Variants in PCSK5 observed in about 807,000 individuals in gnomAD.
PCSK5 encodes proprotein convertase subtilisin/kexin type 5, also known as prohormone convertase 5.
A neutral mutation model predicts 233.2 loss-of-function variants in PCSK5; 129 were observed. That is an observed-to-expected ratio of 0.55 (90% confidence interval 0.48 to 0.64). The LOEUF is 0.64. Among genes scored for constraint, PCSK5 ranks in the 30% least tolerant of loss-of-function variants. PCSK5 has a pLI of 0.00. For missense variants in PCSK5, 2,076 were observed against 2,430.1 expected (o/e 0.85, Z 3.06); for synonymous variants, 825 against 879.2 (o/e 0.94, Z 1.09).
At chr9:76,238,820 T>A in intron 22 of PCSK5, 139 bp from the exon 23 acceptor site, 1 of 623,514 alleles carries the variant, frequency 1.6e-6, no homozygotes, top group Non-Finnish European at 2.8e-6. Flanking sequence ...TTTCATTAAA[T>A]CCATCCTTAC....
At chr9:75,923,274 G>A (rs904395508) in intron 1 of PCSK5, among the ~76,000 whole-genome samples, 4 of 152,160 alleles carry the variant, frequency 2.6e-5, no homozygotes, top group Non-Finnish European at 4.4e-5. Flanking sequence ...TCCTTTGGAG[G>A]GTTGTTGGGA....
intron 24 of PCSK5, among the ~76,000 whole-genome samples, chr9:76,253,248 CTT>C (rs566786609): frequency 3.5e-5 from 5 of 144,126 alleles, no homozygotes; most frequent in African/African-American, 2.5e-5. Context: ...TCTTCTTCTT[CTT>C]TTTTTTTTTT....
At chr9:76,268,784 G>A (rs974635524) in intron 24 of PCSK5, among the ~76,000 whole-genome samples, 1 of 152,184 alleles carries the variant, frequency 6.6e-6, no homozygotes, top group Non-Finnish European at 1.5e-5. Context: ...GGTCAAGGCT[G>A]CAGTAACCTG....
At chr9:76,110,058 A>G (rs1422959564) in intron 9 of PCSK5, among the ~76,000 whole-genome samples, 1 of 152,028 alleles carries the variant, frequency 6.6e-6, no homozygotes, top group East Asian at 1.9e-4. Context: ...CTCTTACACT[A>G]TTGCTTCTCA....
intron 3 of PCSK5, among the ~76,000 whole-genome samples, chr9:75,996,446 A>G (rs953347427): frequency 2.0e-5 from 3 of 152,170 alleles, no homozygotes; most frequent in Non-Finnish European, 4.4e-5. Flanking sequence ...CTACCAGGAC[A>G]TGGCAGAACT....
rs575806422 is a variant in PCSK5, at chr9:76,358,704, T to A, written c.5446T>A (p.Tyr1816Asn). The change falls in exon 38 of 38, where the codon TAC becomes AAC. Residue 1816 changes from tyrosine to asparagine, a missense_variant. Physicochemically the swap from Tyr to Asn is moderately radical, Grantham distance 143. Transcript: ENST00000674117. ...YEKLADPNKSYSSYKSSYRES... is the reference protein window; with the variant it reads ...YEKLADPNKSNSSYKSSYRES... ...AAAACTGGCCGACCCCAACAAGTCT[T>A]ACTCCTCCTATAAGAGCAGCTATAG... 5 of 1,612,834 alleles carry A rather than the reference T, an allele frequency of 3.1e-6. No individual in the cohort carries two copies. The African/African-American group carries it at 6.7e-5, about 22-fold the overall frequency.
intron 20 of PCSK5, among the ~76,000 whole-genome samples, chr9:76,197,520 C>A (rs181761724): frequency 2.3e-4 from 35 of 152,268 alleles, no homozygotes; most frequent in African/African-American, 8.2e-4. Flanking sequence ...AAATACATAA[C>A]ATCTTATCCC....
intron 24 of PCSK5, among the ~76,000 whole-genome samples, chr9:76,282,013 T>C (rs948743858): frequency 4.0e-5 from 6 of 151,220 alleles, no homozygotes; most frequent in African/African-American, 1.5e-4. Flanking sequence ...CTGATGTATC[T>C]GGGCAATGTA....
chr9:76,068,963 A>G (rs1564007701), intron 6 of PCSK5, among the ~76,000 whole-genome samples: 2 of 152,202 alleles, frequency 1.3e-5, no homozygotes, highest in African/African-American at 4.8e-5. Context: ...GGATAGGAAT[A>G]TAAATATAGA....
At chr9:75,924,986 G>A (rs990478352) in intron 1 of PCSK5, among the ~76,000 whole-genome samples, 1 of 152,186 alleles carries the variant, frequency 6.6e-6, no homozygotes, top group African/African-American at 2.4e-5. Flanking sequence ...TTGTGAGGCG[G>A]CAGTGAAGTA....
chr9:76,027,105 G>A (rs1267913279), intron 5 of PCSK5, 68 bp downstream of exon 5: 11 of 958,222 alleles, frequency 1.1e-5, no homozygotes, highest in Non-Finnish European at 1.1e-5. Flanking sequence ...TCATACTGAG[G>A]GAAGTATTTT....
At chr9:76,256,952 T>G (rs1257260979) in intron 24 of PCSK5, among the ~76,000 whole-genome samples, 2 of 152,234 alleles carry the variant, frequency 1.3e-5, no homozygotes, top group Non-Finnish European at 2.9e-5. Context: ...CCCTAGAGAT[T>G]ATGATGAAAA....
At chr9:76,203,058 G>A (rs1824978333) in intron 20 of PCSK5, among the ~76,000 whole-genome samples, 1 of 152,186 alleles carries the variant, frequency 6.6e-6, no homozygotes, top group African/African-American at 2.4e-5. Flanking sequence ...CGTGAATTCT[G>A]TAAAACTTCA....
intron 30 of PCSK5, among the ~76,000 whole-genome samples, chr9:76,313,739 C>T (rs1260343556): frequency 6.6e-6 from 1 of 152,112 alleles, no homozygotes; most frequent in African/African-American, 2.4e-5. Flanking sequence ...TTTGACTTAG[C>T]ATAATGTTTT....
Position 75,890,767 on chromosome 9 carries a change from C to T in PCSK5, c.-415C>T, listed in dbSNP as rs1243876196. ...AGCCCGGGCCAGCAGAGGGGGCGCC[C>T]GGTCGCTGCCTGTACCGCTCCCGCT... On this transcript the variant is annotated 5_prime_UTR_variant, in exon 1 of 38. Transcript: ENST00000674117. 1.8e-5 allele frequency: 3 copies of T among 167,968 alleles called. No homozygotes were observed. Among genetic ancestry groups the T allele is most frequent in the East Asian group, 1.6e-4 (1 of 6,332 alleles). The allele number at this position is 167,968 out of a possible 1,614,324, so 10.4% of individuals were successfully genotyped here. A position where few individuals can be genotyped will look rare whatever the true frequency, so the allele number is the denominator to read the frequency against.
At chr9:75,964,550 AC>A (rs35036919) in intron 2 of PCSK5, among the ~76,000 whole-genome samples, 1 of 152,198 alleles carries the variant, frequency 6.6e-6, no homozygotes, top group Non-Finnish European at 1.5e-5. Context: ...AGCTAGCACC[AC>A]CCCACCTGCC....
intron 4 of PCSK5, among the ~76,000 whole-genome samples, chr9:76,025,861 G>T (rs1828401059): frequency 6.6e-6 from 1 of 152,028 alleles, no homozygotes; most frequent in Admixed American, 6.6e-5. Flanking sequence ...TAAAATGAAT[G>T]CCCCTCAGGA....
chr9:75,907,922 A>C (rs992685430), intron 1 of PCSK5, among the ~76,000 whole-genome samples: 8 of 152,214 alleles, frequency 5.3e-5, no homozygotes, highest in Non-Finnish European at 1.0e-4. Context: ...TAAGCTGTAC[A>C]CTCTTGTGAT....
rs777125092 is a variant in PCSK5, at chr9:76,159,051, G to A, written c.1499G>A (p.Arg500His). The A allele has an allele frequency of 1.3e-5, 21 of 1,613,940 alleles. No individual in the cohort carries two copies. The highest frequency in any genetic ancestry group is 3.3e-5 in the South Asian group (3 of 91,080). Residue 500 changes from arginine to histidine, a missense_variant, in exon 12 of 38, where the codon CGC becomes CAC. By Grantham distance (29) the Arg-to-His change is conservative (BLOSUM62 0). Coordinates refer to ENST00000674117, the MANE Select transcript of PCSK5 (RefSeq NM_001372043.1). ...TCAGGCTGCTCGGATAACCCCAACC[G>A]CCATGTCAACTACCTGGAGCACGTC... ...KASGCSDNPNRHVNYLEHVVV... is the reference protein window; with the variant it reads ...KASGCSDNPNHHVNYLEHVVV...
Sources: allele counts gnomAD v4.1 joint callset (sites outside exome capture counted in the v4.1 genomes callset), GRCh38; gene constraint gnomAD v4.1.1; transcripts MANE v1.5; gene names NCBI Gene and HGNC (gene_info 2026-07-23, HGNC 2026-07-21).